The following FOXRED2 variants were observed in gnomAD, a reference collection of about 807,000 sequenced individuals.
The protein encoded by FOXRED2 is FAD-dependent oxidoreductase domain-containing protein 2.
FOXRED2 carries 32 observed loss-of-function variants against 52.5 expected under a neutral mutation model. The observed-to-expected ratio is 0.61, with a 90% CI of 0.46 to 0.82. The LOEUF is 0.82. Among genes scored for constraint, FOXRED2 ranks in the 40% least tolerant of loss-of-function variants. The pLI is 0.00. For missense variants in FOXRED2, 848 were observed against 937.5 expected (o/e 0.90, Z 1.25); for synonymous variants, 405 against 398.1 (o/e 1.02, Z -0.21).
chr22:36,498,079 G>C lies in FOXRED2; in HGVS notation c.1294C>G (p.Leu432Val), dbSNP rs746226574. The change falls in exon 6 of 9, where the codon CTG (leucine) becomes GTG (valine). Residue 432 changes from leucine (L) to valine (V), a missense_variant. Physicochemically the swap from Leu to Val is conservative, Grantham distance 32 (BLOSUM62 1). Coordinates refer to ENST00000397224, the MANE Select transcript of FOXRED2 (RefSeq NM_001102371.2). ...ACGCGCCGCACGATGGAGCTGGTCA[G>C]CTGTGTGATGGGGAGCTCAGTGGCG... ...WPATELPITQ[L>V]TSSIVRRVNE... is the part of the protein sequence containing the mutation. 4 of 1,614,004 alleles carry C rather than the reference G, an allele frequency of 2.5e-6. No individual in the cohort carries two copies. In the South Asian group the frequency reaches 3.3e-5, roughly 13 times the overall value.
intron 5 of FOXRED2, 91 bp from the exon 6 acceptor site, chr22:36,498,247 G>A (rs9610521): frequency 2.7e-6 from 4 of 1,456,810 alleles, no homozygotes; most frequent in Non-Finnish European, 3.7e-6. Context: ...TGACCCCTGA[G>A]AACGCCATAC....
At chr22:36,498,984 G>C (rs1933976384) in intron 5 of FOXRED2, among the ~76,000 whole-genome samples, 1 of 152,170 alleles carries the variant, frequency 6.6e-6, no homozygotes, top group Admixed American at 6.5e-5. Flanking sequence ...GCCCAGGCTG[G>C]AGCGCAGTGG....
rs1350508344 is a variant in FOXRED2 at position 36,506,203 on chromosome 22, G to A, written c.220C>T (p.Arg74Trp). Reference sequence around the variant, plus strand: ...TTGATGCTGATGAGCTTGCGGTGCCGCGGGTAGCGTGTGAAGAAGCTGCCG... The same window carrying A: ...TTGATGCTGATGAGCTTGCGGTGCCACGGGTAGCGTGTGAAGAAGCTGCCG... Reference protein sequence around the residue: ...RPGSFFTRYPRHRKLISINKR... With the variant: ...RPGSFFTRYPWHRKLISINKR... Residue 74 changes from arginine (R) to tryptophan (W), a missense_variant, in exon 2 of 9, where the codon CGG (arginine) becomes TGG (tryptophan). Physicochemically the swap from Arg to Trp is moderately radical, Grantham distance 101 (BLOSUM62 -3). Coordinates refer to ENST00000397224, the MANE Select transcript of FOXRED2 (RefSeq NM_001102371.2). 1.2e-6 allele frequency: 2 copies of A among 1,614,146 alleles called. No individual in the cohort carries two copies. Among genetic ancestry groups the A allele is most frequent in the Non-Finnish European group, 8.5e-7 (1 of 1,180,002 alleles).
Position 36,496,213 on chromosome 22 carries a change from G to A in FOXRED2, c.1383-5C>T. 6.2e-7 allele frequency: 1 copy of A among 1,613,372 alleles called. No homozygotes were observed. Among genetic ancestry groups the A allele is most frequent in the African/African-American group, 1.3e-5 (1 of 75,030 alleles). On this transcript the variant is annotated splice_polypyrimidine_tract_variant and splice_region_variant and intron_variant, in intron 6 of 8. Transcript: ENST00000397224. ...TACTCAAAGGCCGTGGAATTCCTGG[G>A]AGAACAGCAACGCGGGGGAGGCCCT...
chr22:36,498,262 T>A lies in FOXRED2; in HGVS notation c.1217-106A>T, dbSNP rs917240054. On this transcript the variant is annotated intron_variant, in intron 5 of 8. Coordinates refer to ENST00000397224, the MANE Select transcript of FOXRED2 (RefSeq NM_001102371.2). ...TGACCCCTGAGAACGCCATACACAC[T>A]GGTCTCCATGGCCCAGCGCAAACGC... 669 of 1,329,844 alleles carry A rather than the reference T, an allele frequency of 5.0e-4. 1 individual carries two copies. Among genetic ancestry groups the A allele is most frequent in the Non-Finnish European group, 6.3e-4 (612 of 978,798 alleles). 82.4% of individuals were successfully genotyped at this position (1,329,844 alleles called of 1,614,324 possible).
chr22:36,498,543 C>T (rs533284939), intron 5 of FOXRED2: 13 of 179,904 alleles, frequency 7.2e-5, no homozygotes, highest in South Asian at 3.0e-4. Flanking sequence ...GGAGTCCCAC[C>T]GGCCCCACCT....
intron 2 of FOXRED2, among the ~76,000 whole-genome samples, chr22:36,505,100 A>G (rs1007950708): frequency 1.3e-5 from 2 of 152,194 alleles, no homozygotes; most frequent in Non-Finnish European, 2.9e-5. Context: ...CAGACCAGGT[A>G]TGACTGCTGG....
intron 4 of FOXRED2, among the ~76,000 whole-genome samples, chr22:36,502,135 C>A (rs561609045): frequency 1.3e-5 from 2 of 152,114 alleles, no homozygotes; most frequent in South Asian, 4.1e-4. Context: ...TGCCATTGCA[C>A]TCCAGCCTGG....
rs1422569893 is a variant in FOXRED2, at chr22:36,507,004, C to G, written c.-2+5G>C. ...CTCCGACCGAACCCTGAGAAACGCG[C>G]GAACCTCCCAGCCGCTCCGGCTGCA... On this transcript the variant is annotated splice_donor_5th_base_variant and intron_variant, in intron 1 of 8. Coordinates refer to ENST00000397224, the MANE Select transcript of FOXRED2 (RefSeq NM_001102371.2). 6.6e-6 allele frequency: 1 copy of G among 152,364 alleles called. No individual in the cohort carries two copies. Among genetic ancestry groups the G allele is most frequent in the African/African-American group, 2.4e-5 (1 of 41,460 alleles). 9.4% of individuals were successfully genotyped at this position (152,364 alleles called of 1,614,324 possible). A position where few individuals can be genotyped will look rare whatever the true frequency, so the allele number is the denominator to read the frequency against.
At chr22:36,490,305 G>A in intron 8 of FOXRED2, 38 bp from the exon 9 acceptor site, 1 of 1,548,994 alleles carries the variant, frequency 6.5e-7, no homozygotes. Context: ...AGCCAGGCTG[G>A]GACATGTGGG....
intron 7 of FOXRED2, among the ~76,000 whole-genome samples, chr22:36,494,219 C>T (rs1216988840): frequency 2.0e-5 from 3 of 152,114 alleles, no homozygotes; most frequent in East Asian, 1.9e-4. Context: ...TGGGTTCAAG[C>T]GATTCTTGTG....
rs1933706016 is a variant in FOXRED2, at chr22:36,489,990, C to T, written c.*18G>A. 6.5e-7 allele frequency: 1 copy of T among 1,538,158 alleles called. No individual in the cohort carries two copies. Among genetic ancestry groups the T allele is most frequent in the Non-Finnish European group, 8.8e-7 (1 of 1,138,728 alleles). The stretch of plus-strand genomic sequence containing the variant: ...TGGGGAGGCCTGGCCACTGTGCCCA[C>T]AGCTTAGGAAGGGACAGTCAGAGCT... On this transcript the variant is annotated 3_prime_UTR_variant, in exon 9 of 9. Transcript: ENST00000397224.
At chr22:36,498,928 C>T (rs866574548) in intron 5 of FOXRED2, among the ~76,000 whole-genome samples, 1 of 150,486 alleles carries the variant, frequency 6.6e-6, no homozygotes, top group South Asian at 2.1e-4. Flanking sequence ...TCCACCTTAC[C>T]GTCTTCATTT....
chr22:36,491,561 C>T (rs1714356020), intron 8 of FOXRED2, among the ~76,000 whole-genome samples: 1 of 152,074 alleles, frequency 6.6e-6, no homozygotes, highest in South Asian at 2.1e-4. Flanking sequence ...CGCCACCACG[C>T]TCAGCTAATT....
chr22:36,504,823 T>G (rs1934152298), intron 2 of FOXRED2, 57 bp from the exon 3 acceptor site: 1 of 1,581,408 alleles, frequency 6.3e-7, no homozygotes, highest in Non-Finnish European at 8.6e-7. Context: ...GACCACTAAG[T>G]GAAAACCACT....
In FOXRED2 at chr22:36,497,398, G is replaced by A. The variant is rs959891597; in HGVS notation, c.1382+593C>T. Among the ~76,000 whole-genome samples the A allele has an allele frequency of 1.6e-4, 25 of 152,120 alleles. No individual in the cohort carries two copies. The South Asian group carries it at 2.3e-3, about 14-fold the overall frequency. ...GATGCGAGGGTTTTGTGCAGAAAGC[G>A]GCTGCACTACCTGCATGTCCCTGAA... On this transcript the variant is annotated intron_variant, in intron 6 of 8. Coordinates refer to ENST00000397224, the MANE Select transcript of FOXRED2 (RefSeq NM_001102371.2).
At chr22:36,506,489 A>C in intron 1 of FOXRED2, 66 bp from the exon 2 acceptor site, 1 of 1,372,294 alleles carries the variant, frequency 7.3e-7, no homozygotes, top group Non-Finnish European at 9.5e-7. Flanking sequence ...GAGGCCCAGA[A>C]AGAGGCGGGG....
chr22:36,493,832 A>C (rs1933824448), intron 7 of FOXRED2, 29 bp from the exon 8 acceptor site: 1 of 1,606,814 alleles, frequency 6.2e-7, no homozygotes. Flanking sequence ...GGGCCATGTC[A>C]GAGCTGTGAG....
At chr22:36,493,990 G>C (rs1297626907) in intron 7 of FOXRED2, among the ~76,000 whole-genome samples, 187 bp from the exon 8 acceptor site, 1 of 152,220 alleles carries the variant, frequency 6.6e-6, no homozygotes, top group African/African-American at 2.4e-5. Flanking sequence ...TATTTGAAAG[G>C]CTGCCATGAG....
Sources: gnomAD v4.1 joint callset for allele counts (sites outside exome capture counted in the v4.1 genomes callset) on GRCh38, gnomAD v4.1.1 for gene constraint, MANE v1.5 for transcripts, NCBI Gene and HGNC (gene_info 2026-07-23, HGNC 2026-07-21) for gene names.